Variants in UNC5C observed in about 807,000 individuals in gnomAD.
UNC5C encodes unc-5 netrin receptor C, also known as netrin receptor UNC5C.
UNC5C carries 47 observed loss-of-function variants against 99.8 expected under a neutral mutation model. That is an observed-to-expected ratio of 0.47 (90% CI 0.37 to 0.60). The LOEUF is 0.60. UNC5C is among the 20% of genes least tolerant of loss of function. The pLI is 0.00. For synonymous variants in UNC5C, 487 were observed against 452.2 expected (o/e 1.08, Z -0.98); for missense variants, 1,062 against 1,165.9 (o/e 0.91, Z 1.30).
At chr4:95,522,703 T>TATTCAATACAA (rs1553906017) in intron 1 of UNC5C, among the ~76,000 whole-genome samples, 1 of 152,218 alleles carries the variant, frequency 6.6e-6, no homozygotes, top group Non-Finnish European at 1.5e-5. Flanking sequence ...CAAAGGGCTT[T>TATTCAATACAA]ATAGTCCCCA....
At chr4:95,452,686 T>A (rs1747312004) in intron 1 of UNC5C, among the ~76,000 whole-genome samples, 1 of 152,188 alleles carries the variant, frequency 6.6e-6, no homozygotes, top group South Asian at 2.1e-4. Context: ...TTAAAATACA[T>A]TCCTAATGCC....
intron 4 of UNC5C, among the ~76,000 whole-genome samples, chr4:95,270,002 C>T (rs1003664013): frequency 6.6e-6 from 1 of 151,976 alleles, no homozygotes; most frequent in Non-Finnish European, 1.5e-5. Context: ...GGTGTGAGCC[C>T]CCGTACCTGG....
intron 1 of UNC5C, among the ~76,000 whole-genome samples, chr4:95,459,885 A>G (rs574831343): frequency 2.0e-5 from 3 of 152,202 alleles, no homozygotes; most frequent in Non-Finnish European, 4.4e-5. Flanking sequence ...AATATATAGC[A>G]TATTTGTCAC....
chr4:95,304,426 A>G (rs1741983168), intron 2 of UNC5C, among the ~76,000 whole-genome samples: 1 of 152,074 alleles, frequency 6.6e-6, no homozygotes, highest in African/African-American at 2.4e-5. Flanking sequence ...AACAAATAAC[A>G]CCACTTTGCC....
chr4:95,398,043 GC>G lies in UNC5C; in HGVS notation c.125-62413del, dbSNP rs1745571522. On this transcript the variant is annotated intron_variant, in intron 1 of 15. Coordinates refer to ENST00000453304, the MANE Select transcript of UNC5C (RefSeq NM_003728.4). The stretch of plus-strand genomic sequence containing the variant: ...TCCCAATGAGAAGTAGCCAAATGTA[GC>G]TTTTTTTTTTTTTTTTTTTGCTTAT... Among the ~76,000 whole-genome samples the G allele has an allele frequency of 5.2e-5, 4 of 76,954 alleles. No homozygotes were observed. The Admixed American group carries it at 5.6e-4, about 11-fold the overall frequency. The allele number at this position is 76,954 out of a possible 152,430, so 50.5% of individuals were successfully genotyped here. A position where few individuals can be genotyped will look rare whatever the true frequency, so the allele number is the denominator to read the frequency against.
At chr4:95,409,250 C>G (rs1473040891) in intron 1 of UNC5C, among the ~76,000 whole-genome samples, 1 of 152,118 alleles carries the variant, frequency 6.6e-6, no homozygotes, top group African/African-American at 2.4e-5. Flanking sequence ...TAAATGACTT[C>G]TTTGCTCTTT....
At chr4:95,495,201 T>C (rs1721598408) in intron 1 of UNC5C, among the ~76,000 whole-genome samples, 1 of 151,550 alleles carries the variant, frequency 6.6e-6, no homozygotes, top group Non-Finnish European at 1.5e-5. Context: ...TTTCTAAAAC[T>C]AACTGAAAAC....
chr4:95,280,652 G>C (rs573481698), intron 3 of UNC5C, among the ~76,000 whole-genome samples: 1 of 151,910 alleles, frequency 6.6e-6, no homozygotes, highest in Non-Finnish European at 1.5e-5. Context: ...TTGCACCACT[G>C]TACTCCAGCC....
chr4:95,390,057 A>G (rs934138207), intron 1 of UNC5C, among the ~76,000 whole-genome samples: 1 of 152,130 alleles, frequency 6.6e-6, no homozygotes, highest in African/African-American at 2.4e-5. Flanking sequence ...CACTGAAATG[A>G]CATTATTTTT....
intron 1 of UNC5C, among the ~76,000 whole-genome samples, chr4:95,381,558 C>T (rs893398148): frequency 7.9e-5 from 12 of 152,238 alleles, no homozygotes; most frequent in African/African-American, 2.6e-4. Context: ...AGACAGTAAA[C>T]TTGAGTGGTA....
intron 1 of UNC5C, among the ~76,000 whole-genome samples, chr4:95,402,501 C>T (rs1203874399): frequency 6.6e-6 from 1 of 152,118 alleles, no homozygotes; most frequent in Admixed American, 6.5e-5. Flanking sequence ...AATAATGGTT[C>T]CCTCTGTTTC....
Position 95,335,630 on chromosome 4 carries a change from A to G in UNC5C, c.126T>C (p.Asp42=), listed in dbSNP as rs1296420030. The G allele has an allele frequency of 1.2e-6, 2 of 1,604,282 alleles. No individual in the cohort carries two copies. Among genetic ancestry groups the G allele is most frequent in the South Asian group, 1.1e-5 (1 of 90,028 alleles). The part of the protein sequence containing the change: ...SASGTGSAAQ[D]DDFFHELPET... Reference sequence around the variant, plus strand: ...CTGGGAGTTCATGAAAAAAGTCATCATCTGAGAAAGAAGAAGAAAGTGGAA... The same window carrying G: ...CTGGGAGTTCATGAAAAAAGTCATCGTCTGAGAAAGAAGAAGAAAGTGGAA... Residue 42 remains aspartate, a splice_region_variant and synonymous_variant, in exon 2 of 16, where the codon GAT becomes GAC. Transcript: ENST00000453304.
intron 2 of UNC5C, among the ~76,000 whole-genome samples, chr4:95,325,919 T>C (rs1376576277): frequency 6.6e-6 from 1 of 152,060 alleles, no homozygotes; most frequent in Non-Finnish European, 1.5e-5. Flanking sequence ...AACAAATAAT[T>C]GTATTGCATA....
intron 1 of UNC5C, among the ~76,000 whole-genome samples, chr4:95,447,989 A>G (rs150633743): frequency 5.3e-5 from 8 of 152,260 alleles, no homozygotes; most frequent in African/African-American, 1.7e-4. Flanking sequence ...GGCTTTCATC[A>G]GTAGAGCAAA....
At chr4:95,207,328 A>G (rs1382376031) in intron 10 of UNC5C, among the ~76,000 whole-genome samples, 1 of 152,220 alleles carries the variant, frequency 6.6e-6, no homozygotes, top group Non-Finnish European at 1.5e-5. Flanking sequence ...TCATTCTTTC[A>G]AATATGACTA....
intron 1 of UNC5C, among the ~76,000 whole-genome samples, chr4:95,482,838 A>G (rs1721203170): frequency 8.2e-6 from 1 of 122,250 alleles, no homozygotes; most frequent in South Asian, 2.7e-4. Context: ...GAAGGGGAAC[A>G]TCACACTCGG....
At chr4:95,479,490 G>A (rs1721067184) in intron 1 of UNC5C, among the ~76,000 whole-genome samples, 1 of 151,898 alleles carries the variant, frequency 6.6e-6, no homozygotes. Flanking sequence ...TAGAAATTGG[G>A]TTATTATTTG....
intron 7 of UNC5C, among the ~76,000 whole-genome samples, chr4:95,240,029 A>C (rs1019508251): frequency 1.3e-5 from 2 of 152,160 alleles, no homozygotes; most frequent in Non-Finnish European, 2.9e-5. Flanking sequence ...TGTAGTTCTT[A>C]CCTGGTTCAC....
At chr4:95,355,730 C>T (rs1744159369) in intron 1 of UNC5C, among the ~76,000 whole-genome samples, 1 of 152,060 alleles carries the variant, frequency 6.6e-6, no homozygotes, top group Admixed American at 6.6e-5. Context: ...ACTCTTGGTA[C>T]ATAGCAAAAC....
Sources: gnomAD v4.1 joint callset for allele counts (sites outside exome capture counted in the v4.1 genomes callset) on GRCh38, gnomAD v4.1.1 for gene constraint, MANE v1.5 for transcripts, NCBI Gene and HGNC (gene_info 2026-07-23, HGNC 2026-07-21) for gene names.